The following STK32B variants were observed in gnomAD, a reference collection of about 807,000 sequenced individuals.
STK32B encodes the protein serine/threonine kinase 32B, also known as serine/threonine-protein kinase 32B.
In STK32B, 43 loss-of-function variants were observed where a neutral mutation model predicts 52.6. The observed-to-expected ratio is 0.82, with a 90% CI of 0.64 to 1.05. STK32B has a LOEUF of 1.05. STK32B is among the 50% of genes least tolerant of loss of function. STK32B has a pLI of 0.00. For missense variants in STK32B, 621 were observed against 534.6 expected (o/e 1.16, Z -1.59); for synonymous variants, 238 against 204.3 (o/e 1.17, Z -1.41).
At chr4:5,232,067 C>G (rs537783625) in intron 3 of STK32B, among the ~76,000 whole-genome samples, 2 of 152,190 alleles carry the variant, frequency 1.3e-5, no homozygotes, top group Non-Finnish European at 2.9e-5. Flanking sequence ...AATAGAGGCA[C>G]GTCCCTTCCT....
chr4:5,238,320 G>GTCTGCC (rs1156517692), intron 3 of STK32B, among the ~76,000 whole-genome samples: 2 of 152,038 alleles, frequency 1.3e-5, no homozygotes, highest in Non-Finnish European at 2.9e-5. Context: ...TGACTGTAAT[G>GTCTGCC]TCTGCCTCCT....
intron 3 of STK32B, among the ~76,000 whole-genome samples, chr4:5,330,788 G>A (rs993939688): frequency 1.3e-5 from 2 of 152,216 alleles, no homozygotes. Flanking sequence ...GCAGAAACAA[G>A]CTCCATATGG....
intron 3 of STK32B, among the ~76,000 whole-genome samples, chr4:5,168,724 T>A (rs1334838642): frequency 2.6e-5 from 4 of 152,144 alleles, no homozygotes; most frequent in African/African-American, 9.7e-5. Flanking sequence ...ACGTGGAACG[T>A]TATAAGAGAA....
rs969179529 is a variant in STK32B at position 5,469,272 on chromosome 4, C to T, written c.1106+1202C>T. On this transcript the variant is annotated intron_variant, in intron 11 of 11. Transcript: ENST00000282908. The surrounding 1 kb of genome is among the most constrained non-coding windows in gnomAD (Gnocchi z 4.7). ...AGGCCCTTATGCAATCCCCAGTATTCAACCGTTTTGGCTTTCAGCAGATGC... is the reference window on the plus strand; with the variant it reads ...AGGCCCTTATGCAATCCCCAGTATTTAACCGTTTTGGCTTTCAGCAGATGC... Among the ~76,000 whole-genome samples the T allele has an allele frequency of 3.3e-5, 5 of 152,298 alleles. No homozygotes were observed. The highest frequency in any genetic ancestry group is 3.4e-3 in the Middle Eastern group (1 of 294).
intron 2 of STK32B, among the ~76,000 whole-genome samples, chr4:5,150,362 C>T (rs113494636): frequency 0.016 from 2,409 of 152,170 alleles, 57 homozygotes; most frequent in African/African-American, 0.054. Context: ...GATTCACTTC[C>T]ACTGATTATC....
At chr4:5,069,416 G>A (rs1352248876) in intron 1 of STK32B, among the ~76,000 whole-genome samples, 3 of 152,188 alleles carry the variant, frequency 2.0e-5, no homozygotes, top group East Asian at 3.9e-4. Flanking sequence ...TTAGAGATAG[G>A]CTATGGGCCT....
chr4:5,195,193 G>A lies in STK32B; in HGVS notation c.260+26743G>A, dbSNP rs144433257. Among the ~76,000 whole-genome samples, 46 of 152,254 alleles carry A rather than the reference G, an allele frequency of 3.0e-4. No individual in the cohort carries two copies. The East Asian group carries it at 5.6e-3, about 19-fold the overall frequency. ...GGGCTCAAGCAGTCCTCCGGCCTCAGACTATATTTTCTTTGTGATTGGCAG... is the reference window on the plus strand; with the variant it reads ...GGGCTCAAGCAGTCCTCCGGCCTCAAACTATATTTTCTTTGTGATTGGCAG... On this transcript the variant is annotated intron_variant, in intron 3 of 11. Transcript: ENST00000282908.
chr4:5,499,337 A>G lies in STK32B; in HGVS notation c.*254A>G. 5.0e-6 allele frequency: 2 copies of G among 399,862 alleles called. No homozygotes were observed. The highest frequency in any genetic ancestry group is 8.7e-6 in the Non-Finnish European group (2 of 229,452). 24.8% of individuals were successfully genotyped at this position (399,862 alleles called of 1,614,324 possible). A position where few individuals can be genotyped will look rare whatever the true frequency, so the allele number is the denominator to read the frequency against. On this transcript the variant is annotated 3_prime_UTR_variant, in exon 12 of 12. Coordinates refer to ENST00000282908, the MANE Select transcript of STK32B (RefSeq NM_018401.3). The stretch of plus-strand genomic sequence containing the variant: ...CAAAGGGGTTAAACACTTCTGCCCC[A>G]CTTCAAATTACAAGATTATGGGGAG...
At chr4:5,256,141 G>C (rs1726277740) in intron 3 of STK32B, among the ~76,000 whole-genome samples, 1 of 152,106 alleles carries the variant, frequency 6.6e-6, no homozygotes, top group Non-Finnish European at 1.5e-5. Context: ...CCATGTTAGA[G>C]ATGCAGATAC....
intron 3 of STK32B, among the ~76,000 whole-genome samples, chr4:5,319,429 T>C (rs1437942722): frequency 6.6e-6 from 1 of 152,208 alleles, no homozygotes; most frequent in African/African-American, 2.4e-5. Context: ...AAAACTCAAA[T>C]CTGACAAGGA....
chr4:5,106,663 C>A (rs1359149850), intron 1 of STK32B, among the ~76,000 whole-genome samples: 1 of 152,158 alleles, frequency 6.6e-6, no homozygotes, highest in Non-Finnish European at 1.5e-5. Flanking sequence ...AAAGATAGGT[C>A]CATCCATTCT....
At chr4:5,269,404 C>G (rs1033397236) in intron 3 of STK32B, among the ~76,000 whole-genome samples, 8 of 152,136 alleles carry the variant, frequency 5.3e-5, no homozygotes, top group Non-Finnish European at 1.2e-4. Flanking sequence ...TTACAAAGAT[C>G]AAACTATTTC....
intron 2 of STK32B, among the ~76,000 whole-genome samples, chr4:5,159,083 G>T (rs1040627260): frequency 2.6e-5 from 4 of 152,144 alleles, no homozygotes; most frequent in African/African-American, 9.7e-5. Flanking sequence ...GCCAACACGG[G>T]CTAGAACTCA....
chr4:5,369,996 C>T (rs1248494029), intron 4 of STK32B, among the ~76,000 whole-genome samples: 1 of 152,072 alleles, frequency 6.6e-6, no homozygotes, highest in Non-Finnish European at 1.5e-5. Flanking sequence ...CTGCCTCAGC[C>T]TCCCGAGTAG....
At chr4:5,419,717 G>A (rs928390684) in intron 6 of STK32B, among the ~76,000 whole-genome samples, 1 of 152,202 alleles carries the variant, frequency 6.6e-6, no homozygotes, top group African/African-American at 2.4e-5. Flanking sequence ...TTTGAGGGTT[G>A]TAAGGAGAAC....
intron 3 of STK32B, among the ~76,000 whole-genome samples, chr4:5,295,790 G>A (rs551581945): frequency 6.6e-6 from 1 of 152,138 alleles, no homozygotes; most frequent in East Asian, 1.9e-4. Context: ...TCTGATCTTA[G>A]TTATTTCTTG....
chr4:5,093,874 T>C (rs1577063809), intron 1 of STK32B, among the ~76,000 whole-genome samples: 1 of 152,310 alleles, frequency 6.6e-6, no homozygotes, highest in Non-Finnish European at 1.5e-5. Flanking sequence ...TACAAAGTGC[T>C]AAGAGTGATG....
At chr4:5,336,328 T>C (rs930330388) in intron 4 of STK32B, among the ~76,000 whole-genome samples, 1 of 151,924 alleles carries the variant, frequency 6.6e-6, no homozygotes, top group African/African-American at 2.4e-5. Context: ...TAGGTTATAG[T>C]AAACAAGCCC....
intron 3 of STK32B, among the ~76,000 whole-genome samples, chr4:5,192,411 C>A (rs540962390): frequency 9.2e-5 from 14 of 152,208 alleles, no homozygotes; most frequent in Middle Eastern, 6.8e-3. Flanking sequence ...GCAGAAGGTG[C>A]AATTTATTTA....
Sources: gnomAD v4.1 joint callset for allele counts (sites outside exome capture counted in the v4.1 genomes callset) on GRCh38, gnomAD v4.1.1 for gene constraint, Gnocchi (gnomAD v3.1) non-coding constraint, MANE v1.5 for transcripts, NCBI Gene and HGNC (gene_info 2026-07-23, HGNC 2026-07-21) for gene names.